The following ASTN2 variants were observed in gnomAD, a reference collection of about 807,000 sequenced individuals.
ASTN2 encodes astrotactin 2.
A neutral mutation model predicts 139.8 loss-of-function variants in ASTN2; 54 were observed. The observed-to-expected ratio is 0.39, with a 90% CI of 0.31 to 0.48. ASTN2 has a LOEUF of 0.48. ASTN2 is among the 20% of genes least tolerant of loss of function. The pLI is 0.95. For missense variants in ASTN2, 1,565 were observed against 1,725.1 expected, an observed-to-expected ratio of 0.91 and a Z score of 1.64; for synonymous variants, 756 against 719.5, an observed-to-expected ratio of 1.05 and a Z score of -0.81.
chr9:117,057,150 G>A (rs1839086768), intron 5 of ASTN2, among the ~76,000 whole-genome samples: 2 of 152,164 alleles, frequency 1.3e-5, no homozygotes, highest in African/African-American at 4.8e-5. Flanking sequence ...TAGTTGCTAT[G>A]ATTATTAACA....
intron 10 of ASTN2, among the ~76,000 whole-genome samples, chr9:116,904,407 C>G (rs1834101796): frequency 6.6e-6 from 1 of 152,154 alleles, no homozygotes; most frequent in African/African-American, 2.4e-5. Context: ...TCTGGTCAGG[C>G]TGTTCATATT....
At chr9:116,978,547 G>C (rs972965244) in intron 7 of ASTN2, among the ~76,000 whole-genome samples, 1 of 149,368 alleles carries the variant, frequency 6.7e-6, no homozygotes, top group Non-Finnish European at 1.5e-5. Context: ...GTCACCCTTG[G>C]ATCCTACAGT....
intron 19 of ASTN2, among the ~76,000 whole-genome samples, chr9:116,499,187 CTTTA>C (rs1226251741): frequency 1.3e-5 from 2 of 152,300 alleles, no homozygotes; most frequent in East Asian, 1.9e-4. Flanking sequence ...TTATTTACCT[CTTTA>C]TTTGCTTTTT....
At chr9:116,618,252 A>G in intron 19 of ASTN2, 72 bp downstream of exon 19, 1 of 1,507,576 alleles carries the variant, frequency 6.6e-7, no homozygotes, top group Non-Finnish European at 9.0e-7. Context: ...CCAAGTCTCC[A>G]AAGACAGTAG....
At chr9:116,486,324 T>C (rs1312493862) in intron 20 of ASTN2, among the ~76,000 whole-genome samples, 1 of 152,112 alleles carries the variant, frequency 6.6e-6, no homozygotes, top group Non-Finnish European at 1.5e-5. Context: ...AATTAGTAAA[T>C]GAATATGTGA....
At chr9:116,829,579 T>C (rs191724945) in intron 11 of ASTN2, among the ~76,000 whole-genome samples, 1 of 152,192 alleles carries the variant, frequency 6.6e-6, no homozygotes, top group East Asian at 1.9e-4. Context: ...AAGAGGCACG[T>C]CTTCACATTG....
intron 20 of ASTN2, among the ~76,000 whole-genome samples, chr9:116,446,031 G>A (rs149074169): frequency 5.9e-5 from 9 of 152,192 alleles, no homozygotes; most frequent in Non-Finnish European, 1.2e-4. Flanking sequence ...AAAGCTGTTA[G>A]GGGACCAGGC....
At chr9:116,760,921 G>A (rs1222227000) in intron 13 of ASTN2, among the ~76,000 whole-genome samples, 2 of 152,206 alleles carry the variant, frequency 1.3e-5, no homozygotes, top group African/African-American at 4.8e-5. Context: ...GGTTGGGGGA[G>A]GAGGGGAGGA....
chr9:116,608,876 T>TA (rs968110750), intron 19 of ASTN2, among the ~76,000 whole-genome samples: 9 of 151,802 alleles, frequency 5.9e-5, no homozygotes, highest in Non-Finnish European at 7.4e-5. Context: ...ATCCCATATG[T>TA]AAAAAAAATT....
At chr9:117,318,005 C>A (rs936670373) in intron 1 of ASTN2, among the ~76,000 whole-genome samples, 1 of 152,198 alleles carries the variant, frequency 6.6e-6, no homozygotes, top group African/African-American at 2.4e-5. Context: ...GGGTATCAGC[C>A]CTTTCCCCTT....
Position 116,931,755 on chromosome 9 carries a change from G to C in ASTN2, c.1889+43453C>G, listed in dbSNP as rs76965850. Among the ~76,000 whole-genome samples the C allele has an allele frequency of 2.3e-3, 351 of 152,268 alleles. 13 individuals are homozygous for C. The East Asian group carries it at 0.06, about 26-fold the overall frequency. On this transcript the variant is annotated intron_variant, in intron 10 of 22. Transcript: ENST00000313400. ...GCAAGTAAATGTTCGATAATACTAAGACATACAAATATCACATCTCTTGTG... is the reference window on the plus strand; with the variant it reads ...GCAAGTAAATGTTCGATAATACTAACACATACAAATATCACATCTCTTGTG...
intron 16 of ASTN2, among the ~76,000 whole-genome samples, chr9:116,679,885 G>A (rs981129151): frequency 5.3e-5 from 8 of 152,160 alleles, no homozygotes; most frequent in Non-Finnish European, 1.0e-4. Flanking sequence ...TGTGTAGAGG[G>A]AAATTTATAG....
intron 5 of ASTN2, among the ~76,000 whole-genome samples, chr9:117,058,660 C>T (rs1839140154): frequency 6.6e-6 from 1 of 152,148 alleles, no homozygotes; most frequent in Admixed American, 6.5e-5. Context: ...TTGGAGACTT[C>T]CAGATGTAAC....
intron 7 of ASTN2, among the ~76,000 whole-genome samples, chr9:116,990,910 C>G (rs1836833753): frequency 6.6e-6 from 1 of 152,146 alleles, no homozygotes; most frequent in African/African-American, 2.4e-5. Flanking sequence ...GCTGTTCACA[C>G]CACACTGGGT....
chr9:116,941,557 C>T (rs1296012039), intron 10 of ASTN2, among the ~76,000 whole-genome samples: 1 of 148,180 alleles, frequency 6.7e-6, no homozygotes, highest in South Asian at 2.2e-4. Context: ...CCCTACCCCC[C>T]ACATCATGGA....
chr9:117,400,704 T>C (rs1476353704), intron 1 of ASTN2, among the ~76,000 whole-genome samples: 1 of 152,134 alleles, frequency 6.6e-6, no homozygotes, highest in East Asian at 1.9e-4. Context: ...GGAGAAAGCT[T>C]TAACTGTAAC....
chr9:116,704,332 GAAC>G (rs58447139), intron 16 of ASTN2, among the ~76,000 whole-genome samples: 61,789 of 151,660 alleles, frequency 0.41, 13,534 homozygotes, highest in Admixed American at 0.55. Flanking sequence ...TAGAATAGTA[GAAC>G]AACAACATCA....
intron 19 of ASTN2, among the ~76,000 whole-genome samples, chr9:116,616,683 T>TA (rs1855871993): frequency 6.6e-6 from 1 of 152,154 alleles, no homozygotes; most frequent in South Asian, 2.1e-4. Flanking sequence ...GCGTTATTGT[T>TA]AAAGTGTAAA....
At chr9:116,682,741 T>C (rs1478162786) in intron 16 of ASTN2, among the ~76,000 whole-genome samples, 3 of 151,998 alleles carry the variant, frequency 2.0e-5, no homozygotes, top group Non-Finnish European at 4.4e-5. Flanking sequence ...ATGGATGAAA[T>C]TGGAAATCAT....
Sources: gnomAD v4.1 joint callset for allele counts (sites outside exome capture counted in the v4.1 genomes callset) on GRCh38, gnomAD v4.1.1 for gene constraint, MANE v1.5 for transcripts, NCBI Gene and HGNC (gene_info 2026-07-23, HGNC 2026-07-21) for gene names.